Variants in RPS6KC1 observed in about 807,000 individuals in gnomAD.
The protein encoded by RPS6KC1 is inactive ribosomal protein S6 kinase delta-1.
A neutral mutation model predicts 103.8 loss-of-function variants in RPS6KC1; 54 were observed. The observed-to-expected ratio is 0.52, with a 90% CI of 0.42 to 0.65. The LOEUF is 0.65. Among genes scored for constraint, RPS6KC1 ranks in the 30% least tolerant of loss-of-function variants. RPS6KC1 has a pLI of 0.00. For synonymous variants in RPS6KC1, 439 were observed against 438.7 expected, an observed-to-expected ratio of 1.00 and a Z score of -0.01; for missense variants, 1,151 against 1,253.8, an observed-to-expected ratio of 0.92 and a Z score of 1.24.
At chr1:213,286,001 A>T in the RPS6KC1 span, among the ~76,000 whole-genome samples, 1 of 152,218 alleles carries the variant, frequency 6.6e-6, no homozygotes, top group Admixed American at 6.5e-5. Context: ...TAAATTACCC[A>T]GCCTAAGGCA....
At chr1:213,549,606 CTTTTCCT>C in the RPS6KC1 span, among the ~76,000 whole-genome samples, 1 of 110,146 alleles carries the variant, frequency 9.1e-6, no homozygotes, top group East Asian at 3.4e-4. Context: ...TCTTCTTTTT[CTTTTCCT>C]TTTTTTTTTT....
intron 12 of RPS6KC1, among the ~76,000 whole-genome samples, chr1:213,251,655 C>T (rs1174501976): frequency 6.6e-6 from 1 of 152,162 alleles, no homozygotes; most frequent in East Asian, 1.9e-4. Context: ...TAGCCTACAA[C>T]TTGTAAAAGT....
At chr1:213,184,390 A>G (rs1336394893) in intron 8 of RPS6KC1, among the ~76,000 whole-genome samples, 1 of 152,112 alleles carries the variant, frequency 6.6e-6, no homozygotes, top group Non-Finnish European at 1.5e-5. Flanking sequence ...CCATGAATTT[A>G]TTATTTAAAT....
At chr1:213,293,432 G>A in the RPS6KC1 span, among the ~76,000 whole-genome samples, 2 of 152,156 alleles carry the variant, frequency 1.3e-5, no homozygotes, top group African/African-American at 4.8e-5. Flanking sequence ...CACTTTGTTA[G>A]GATCAGATGC....
chr1:213,089,749 A>G (rs1388678502), intron 3 of RPS6KC1, among the ~76,000 whole-genome samples: 5 of 152,178 alleles, frequency 3.3e-5, no homozygotes, highest in Non-Finnish European at 1.5e-5. Flanking sequence ...GGCGTGAGCC[A>G]CCGCGCCCGG....
intron 12 of RPS6KC1, among the ~76,000 whole-genome samples, chr1:213,251,103 T>C (rs929007155): frequency 3.1e-5 from 2 of 63,892 alleles, no homozygotes; most frequent in Non-Finnish European, 6.8e-5. Flanking sequence ...GTTTTTCAGC[T>C]TTTTTTTTTT....
chr1:213,771,376 G>T, the RPS6KC1 span, among the ~76,000 whole-genome samples: 3 of 152,152 alleles, frequency 2.0e-5, no homozygotes, highest in Non-Finnish European at 2.9e-5. Flanking sequence ...TGACAGAACC[G>T]CTCAGTAATT....
At chr1:213,728,965 T>TTTTTTTTTTA in the RPS6KC1 span, among the ~76,000 whole-genome samples, 8 of 141,124 alleles carry the variant, frequency 5.7e-5, no homozygotes, top group African/African-American at 2.2e-4. Flanking sequence ...TTTTTTTTTT[T>TTTTTTTTTTA]ACCAGTGGAC....
the RPS6KC1 span, among the ~76,000 whole-genome samples, chr1:213,301,702 T>TTACTTAC: frequency 2.2e-4 from 13 of 58,938 alleles, no homozygotes; most frequent in African/African-American, 1.1e-3. Flanking sequence ...CATTTACTTA[T>TTACTTAC]TTATTTATTT....
chr1:213,538,362 G>A, the RPS6KC1 span, among the ~76,000 whole-genome samples: 1 of 152,086 alleles, frequency 6.6e-6, no homozygotes, highest in Non-Finnish European at 1.5e-5. Context: ...CTCTTATTAG[G>A]TAGTACAGAA....
chr1:213,143,000 G>T (rs1334828514), intron 6 of RPS6KC1, among the ~76,000 whole-genome samples: 1 of 151,894 alleles, frequency 6.6e-6, no homozygotes, highest in African/African-American at 2.4e-5. Flanking sequence ...ATTTTTCTTA[G>T]ATTAGGTATA....
chr1:213,710,492 T>C, the RPS6KC1 span, among the ~76,000 whole-genome samples: 9 of 152,378 alleles, frequency 5.9e-5, no homozygotes, highest in African/African-American at 1.9e-4. Flanking sequence ...TGTCTTTTAA[T>C]TGGGGCATTT....
At chr1:213,118,613 T>A (rs1572648756) in intron 5 of RPS6KC1, among the ~76,000 whole-genome samples, 3 of 152,208 alleles carry the variant, frequency 2.0e-5, no homozygotes, top group South Asian at 2.1e-4. Flanking sequence ...AAGAGCAACG[T>A]GTTCTTATTT....
chr1:213,069,624 C>T (rs1558254742), intron 1 of RPS6KC1, among the ~76,000 whole-genome samples: 1 of 152,082 alleles, frequency 6.6e-6, no homozygotes, highest in Non-Finnish European at 1.5e-5. Context: ...ATCAAAGACC[C>T]TTTTCTTCCT....
chr1:213,648,324 G>T, the RPS6KC1 span, among the ~76,000 whole-genome samples: 3 of 151,906 alleles, frequency 2.0e-5, no homozygotes, highest in Non-Finnish European at 4.4e-5. Context: ...TAATAGAGCC[G>T]TGTGCATCTC....
At chr1:213,735,617 A>G in the RPS6KC1 span, among the ~76,000 whole-genome samples, 1 of 152,220 alleles carries the variant, frequency 6.6e-6, no homozygotes, top group African/African-American at 2.4e-5. Flanking sequence ...ATTTGGTACA[A>G]TGATGCATGT....
At chr1:213,117,054 G>A (rs940875744) in intron 4 of RPS6KC1, among the ~76,000 whole-genome samples, 1 of 152,136 alleles carries the variant, frequency 6.6e-6, no homozygotes, top group Admixed American at 6.6e-5. Context: ...TGTGCAGAAA[G>A]TACAGAGTTT....
chr1:213,087,700 G>A (rs114059829), intron 3 of RPS6KC1, among the ~76,000 whole-genome samples: 1,951 of 152,252 alleles, frequency 0.013, 30 homozygotes, highest in South Asian at 0.04. Flanking sequence ...TGATAAGCTT[G>A]CAGGCTCAGC....
the RPS6KC1 span, among the ~76,000 whole-genome samples, chr1:213,439,961 G>A: frequency 5.9e-5 from 9 of 152,044 alleles, no homozygotes; most frequent in African/African-American, 1.9e-4. Context: ...ATTGAAAGGG[G>A]CTTCTACATC....
Sources: allele counts gnomAD v4.1 joint callset (sites outside exome capture counted in the v4.1 genomes callset), GRCh38; gene constraint gnomAD v4.1.1; transcripts MANE v1.5; gene names NCBI Gene and HGNC (gene_info 2026-07-23, HGNC 2026-07-21).